KIF21A: variants seen among roughly 807,000 people sequenced by gnomAD.
The protein encoded by KIF21A is kinesin-like protein KIF21A.
A neutral mutation model predicts 202.9 loss-of-function variants in KIF21A; 114 were observed. The ratio of observed to expected loss-of-function variants is 0.56; its 90% CI spans 0.48 to 0.66. KIF21A has a LOEUF of 0.66. Among genes scored for constraint, KIF21A ranks in the 30% least tolerant of loss-of-function variants. The pLI is 0.00. For synonymous variants in KIF21A, 667 were observed against 670.8 expected, an observed-to-expected ratio of 0.99 and a Z score of 0.09; for missense variants, 1,677 against 1,994.9, an observed-to-expected ratio of 0.84 and a Z score of 3.04.
chr12:39,368,089 TAAC>T, intron 3 of KIF21A, 57 bp from the exon 4 acceptor site: 1 of 1,041,682 alleles, frequency 9.6e-7, no homozygotes, highest in Non-Finnish European at 1.5e-6. Context: ...GTAGTTGTCA[TAAC>T]AACACATTAC....
chr12:39,329,645 G>C (rs1028462963), intron 24 of KIF21A, among the ~76,000 whole-genome samples: 1 of 151,982 alleles, frequency 6.6e-6, no homozygotes, highest in East Asian at 1.9e-4. Context: ...GAGGAAGGAG[G>C]AGGCAAAGAA....
At chr12:39,384,111 A>G (rs1950791262) in intron 1 of KIF21A, among the ~76,000 whole-genome samples, 1 of 152,186 alleles carries the variant, frequency 6.6e-6, no homozygotes, top group African/African-American at 2.4e-5. Flanking sequence ...ATAACATGGT[A>G]TTTCAGAGGA....
At chr12:39,383,108 T>C (rs1041872232) in intron 1 of KIF21A, among the ~76,000 whole-genome samples, 9 of 152,208 alleles carry the variant, frequency 5.9e-5, no homozygotes, top group Non-Finnish European at 8.8e-5. Context: ...TCTAGACATT[T>C]TAATGCATGA....
At chr12:39,310,689 G>A (rs1405154091) in intron 32 of KIF21A, among the ~76,000 whole-genome samples, 2 of 151,874 alleles carry the variant, frequency 1.3e-5, no homozygotes, top group Non-Finnish European at 2.9e-5. Context: ...CATCCTATAC[G>A]GTACTTCCTA....
chr12:39,346,475 T>C lies in KIF21A; in HGVS notation c.1703A>G (p.Glu568Gly), dbSNP rs1482181587. The C allele has an allele frequency of 8.1e-6, 12 of 1,477,896 alleles. No homozygotes were observed. Among genetic ancestry groups the C allele is most frequent in the Admixed American group, 4.5e-5 (2 of 44,382 alleles). 91.5% of individuals were successfully genotyped at this position (1,477,896 alleles called of 1,614,324 possible). The change falls in exon 12 of 38, where the codon GAA becomes GGA. Residue 568 changes from glutamate (E) to glycine (G), a missense_variant. Around this residue, in one of 3 missense-constraint regions of KIF21A, gnomAD observed 966 missense variants for 1,180.9 expected, o/e 0.82. Transcript: ENST00000361418. ...RLQKLEESNR[E>G]ERSVAGKEDN... ...TGGGAAATATTCCAACCTTCTTTCT[T>C]CTCGATTGCTTTCCTCAAGTTTCTG...
chr12:39,369,788 T>C lies in KIF21A; in HGVS notation c.391A>G (p.Ile131Val), dbSNP rs1428463661. ...GCAGGAAGCCCATTTTTAATTGCTA[T>C]GTGTTTTTTTTCTTCAATACTCTTA... The part of the protein sequence containing the change: ...LFKSIEEKKH[I>V]AIKNGLPAPD... Residue 131 changes from isoleucine to valine, a missense_variant, in exon 3 of 38, where the codon ATA becomes GTA. By Grantham distance (29) the Ile-to-Val change is conservative. Coordinates refer to ENST00000361418, the MANE Select transcript of KIF21A (RefSeq NM_001173464.2). 4 of 1,613,126 alleles carry C rather than the reference T, an allele frequency of 2.5e-6. No individual in the cohort carries two copies. The highest frequency in any genetic ancestry group is 3.4e-6 in the Non-Finnish European group (4 of 1,179,606).
chr12:39,366,273 G>A (rs1028083494), intron 6 of KIF21A, 77 bp downstream of exon 6: 1 of 1,294,468 alleles, frequency 7.7e-7, no homozygotes, highest in Admixed American at 1.7e-5. Flanking sequence ...ATTTCCATAT[G>A]GATATTATAA....
At chr12:39,331,416 C>G (rs1946494492) in intron 22 of KIF21A, among the ~76,000 whole-genome samples, 1 of 152,074 alleles carries the variant, frequency 6.6e-6, no homozygotes, top group Non-Finnish European at 1.5e-5. Flanking sequence ...GAAATTTCTT[C>G]TAATTTTTCC....
intron 1 of KIF21A, among the ~76,000 whole-genome samples, chr12:39,431,466 G>A (rs1303883590): frequency 1.3e-5 from 2 of 152,168 alleles, no homozygotes; most frequent in Admixed American, 6.5e-5. Flanking sequence ...TAAAAGCACA[G>A]GAATAATTAA....
At chr12:39,420,599 G>A (rs531326239) in intron 1 of KIF21A, among the ~76,000 whole-genome samples, 12 of 152,252 alleles carry the variant, frequency 7.9e-5, no homozygotes, top group African/African-American at 2.9e-4. Context: ...GAGGCAGTAA[G>A]GCGAGTCCCC....
chr12:39,296,983 T>G (rs1591995962), intron 37 of KIF21A, among the ~76,000 whole-genome samples: 2 of 152,356 alleles, frequency 1.3e-5, no homozygotes, highest in East Asian at 3.9e-4. Flanking sequence ...ATTATAGTAA[T>G]TCAAGAGTTG....
At chr12:39,380,319 C>G (rs749887461) in intron 1 of KIF21A, among the ~76,000 whole-genome samples, 14 of 152,184 alleles carry the variant, frequency 9.2e-5, no homozygotes, top group Non-Finnish European at 2.9e-5. Flanking sequence ...CTTTCACTCC[C>G]ATTCCTGAAG....
chr12:39,307,523 A>G, intron 34 of KIF21A, 42 bp downstream of exon 34: 1 of 1,582,972 alleles, frequency 6.3e-7, no homozygotes, highest in Non-Finnish European at 8.7e-7. Flanking sequence ...CTGAAGTTGT[A>G]TTTGCCATAG....
chr12:39,323,599 C>T (rs1945526695), intron 26 of KIF21A, among the ~76,000 whole-genome samples: 1 of 152,114 alleles, frequency 6.6e-6, no homozygotes, highest in South Asian at 2.1e-4. Context: ...CCTTTCCTTA[C>T]TCTTGACAAC....
At position 39,385,609 on chromosome 12, in the gene KIF21A, T is replaced by C. The variant is rs1211414850; in HGVS notation, c.45-15348A>G. ...ATACAAATGAAGAATACAAAATTTA[T>C]ACTAATTTTTTAGATAAGACTTGAA... On this transcript the variant is annotated intron_variant, in intron 1 of 37. Transcript: ENST00000361418. 6.6e-5 allele frequency among the ~76,000 whole-genome samples: 10 copies of C among 152,332 alleles called. No individual in the cohort carries two copies. The East Asian group carries it at 1.9e-3, about 29-fold the overall frequency.
At chr12:39,389,861 GATTTTTAT>G (rs1951220602) in intron 1 of KIF21A, among the ~76,000 whole-genome samples, 1 of 152,134 alleles carries the variant, frequency 6.6e-6, no homozygotes, top group Non-Finnish European at 1.5e-5. Context: ...ATATTTTGAA[GATTTTTAT>G]ATAGTGTCAA....
intron 1 of KIF21A, 89 bp from the exon 2 acceptor site, chr12:39,370,350 T>C: frequency 2.1e-6 from 2 of 945,668 alleles, no homozygotes; most frequent in Non-Finnish European, 3.3e-6. Context: ...CTTGGCCAAA[T>C]CTTTTTTAAA....
rs373522590 is a variant in KIF21A, at chr12:39,351,435, A to G, written c.1673+342T>C. On this transcript the variant is annotated intron_variant, in intron 11 of 37. Coordinates refer to ENST00000361418, the MANE Select transcript of KIF21A (RefSeq NM_001173464.2). ...GCATTAGGAAATGGGGAAAAAATGA[A>G]AACACTGAGTTGTAATGGTACAGCA... Among the ~76,000 whole-genome samples the G allele has an allele frequency of 8.2e-4, 125 of 152,248 alleles. 3 individuals are homozygous for G. The South Asian group carries it at 0.014, about 17-fold the overall frequency.
At chr12:39,429,867 G>A (rs555853095) in intron 1 of KIF21A, among the ~76,000 whole-genome samples, 3 of 152,070 alleles carry the variant, frequency 2.0e-5, no homozygotes, top group African/African-American at 4.8e-5. Flanking sequence ...AAAAGAAGAG[G>A]AGGGATAAAA....
Sources: allele counts gnomAD v4.1 joint callset (sites outside exome capture counted in the v4.1 genomes callset), GRCh38; gene constraint gnomAD v4.1.1; regional missense constraint gnomAD v4.1.1; transcripts MANE v1.5; gene names NCBI Gene and HGNC (gene_info 2026-07-23, HGNC 2026-07-21).